The following GLRA2 variants were observed in gnomAD, a reference collection of about 807,000 sequenced individuals.
The protein encoded by GLRA2 is glycine receptor alpha 2.
In GLRA2, 11 loss-of-function variants were observed where a neutral mutation model predicts 31.6. That is an observed-to-expected ratio of 0.35 (90% CI 0.22 to 0.58). GLRA2 has a LOEUF of 0.58. Ranked by LOEUF, GLRA2 falls within the 20% of genes least tolerant of loss-of-function variation. The pLI, the probability that GLRA2 is intolerant of heterozygous loss-of-function variation, is 0.84. For synonymous variants in GLRA2, 132 were observed against 134.0 expected (o/e 0.99, Z 0.10); for missense variants, 212 against 351.8 (o/e 0.60, Z 3.18).
At chrX:14,636,758 GT>G (rs2090714085) in intron 7 of GLRA2, among the ~76,000 whole-genome samples, 1 of 111,778 alleles carries the variant, frequency 8.9e-6, no homozygotes, top group South Asian at 3.8e-4. Context: ...TAGGTGTGCG[GT>G]TTATGAAAAC....
intron 8 of GLRA2, among the ~76,000 whole-genome samples, chrX:14,715,825 G>C (rs745456476): frequency 6.5e-4 from 73 of 111,867 alleles, no homozygotes; most frequent in Non-Finnish European, 1.2e-3. Flanking sequence ...GGTCATTAAG[G>C]AGATGAGAAA....
chrX:14,667,167 C>G (rs994225359), intron 7 of GLRA2, among the ~76,000 whole-genome samples: 11 of 111,997 alleles, frequency 9.8e-5, no homozygotes, highest in Middle Eastern at 9.3e-3. Flanking sequence ...CCGTAATAAA[C>G]CCTTACAATT....
chrX:14,717,398 T>C (rs961919632), intron 8 of GLRA2, among the ~76,000 whole-genome samples: 1 of 110,348 alleles, frequency 9.1e-6, no homozygotes, highest in Non-Finnish European at 1.9e-5. Flanking sequence ...TTAATTCTTA[T>C]ATATACTCCT....
chrX:14,703,913 C>T (rs1422976785), intron 8 of GLRA2, among the ~76,000 whole-genome samples: 2 of 111,995 alleles, frequency 1.8e-5, no homozygotes, highest in Admixed American at 9.5e-5. Context: ...CACTCCCTCA[C>T]CACACTCCTG....
chrX:14,474,447 C>G, the GLRA2 span, among the ~76,000 whole-genome samples: 1 of 111,769 alleles, frequency 8.9e-6, no homozygotes, highest in Non-Finnish European at 1.9e-5. Flanking sequence ...TATCTTATCA[C>G]TAGCTACTCA....
At chrX:14,702,808 G>A (rs925816753) in intron 8 of GLRA2, among the ~76,000 whole-genome samples, 1 of 111,522 alleles carries the variant, frequency 9.0e-6, no homozygotes, top group Admixed American at 9.5e-5. Context: ...AAAGTTTATT[G>A]GGTGGCACTT....
chrX:14,569,584 A>G (rs2089856208), intron 2 of GLRA2, among the ~76,000 whole-genome samples: 1 of 75,092 alleles, frequency 1.3e-5, no homozygotes, highest in African/African-American at 6.2e-5. Flanking sequence ...ACCTCCTAAG[A>G]TGGCAATAAT....
intron 7 of GLRA2, among the ~76,000 whole-genome samples, chrX:14,666,750 A>G (rs768623562): frequency 8.9e-5 from 10 of 111,901 alleles, no homozygotes; most frequent in African/African-American, 3.2e-4. Context: ...CAGCAAACCT[A>G]TTAGGTGGGC....
chrX:14,604,580 G>A (rs1406438568), intron 5 of GLRA2, among the ~76,000 whole-genome samples, 183 bp downstream of exon 5: 1 of 106,901 alleles, frequency 9.4e-6, no homozygotes, highest in African/African-American at 3.5e-5. Context: ...GTGTGTGTGT[G>A]TGTGTGTGTG....
intron 4 of GLRA2, among the ~76,000 whole-genome samples, chrX:14,598,425 C>T (rs1338356615): frequency 8.9e-6 from 1 of 112,160 alleles, no homozygotes; most frequent in Non-Finnish European, 1.9e-5. Context: ...GTCAAGCAGC[C>T]TTCTGTCTGC....
chrX:14,460,222 C>T, the GLRA2 span, among the ~76,000 whole-genome samples: 3 of 111,498 alleles, frequency 2.7e-5, no homozygotes, highest in African/African-American at 6.5e-5. Context: ...GGGATGAAGC[C>T]GATTTGATTG....
chrX:14,521,516 T>C, the GLRA2 span, among the ~76,000 whole-genome samples: 1 of 111,845 alleles, frequency 8.9e-6, no homozygotes, highest in Non-Finnish European at 1.9e-5. Context: ...CACCATTTGC[T>C]TCCTTGGTTC....
intron 4 of GLRA2, among the ~76,000 whole-genome samples, chrX:14,596,434 T>C (rs1361628911): frequency 9.0e-6 from 1 of 110,634 alleles, no homozygotes; most frequent in African/African-American, 3.3e-5. Context: ...CCAGTATACC[T>C]CTCCAATGTG....
chrX:14,543,870 TCA>T (rs1461640810), intron 2 of GLRA2, among the ~76,000 whole-genome samples: 1 of 111,855 alleles, frequency 8.9e-6, no homozygotes, highest in Non-Finnish European at 1.9e-5. Flanking sequence ...ATTCACTTGA[TCA>T]CAGATTCCTT....
intron 4 of GLRA2, among the ~76,000 whole-genome samples, chrX:14,592,110 A>C (rs919314867): frequency 4.5e-5 from 5 of 111,401 alleles, no homozygotes; most frequent in Non-Finnish European, 9.4e-5. Context: ...TTCTAGCACT[A>C]TTATAAGTCT....
intron 7 of GLRA2, among the ~76,000 whole-genome samples, chrX:14,630,880 T>C (rs1172210632): frequency 9.3e-6 from 1 of 107,989 alleles, no homozygotes; most frequent in Non-Finnish European, 1.9e-5. Flanking sequence ...GCTTTTAAGA[T>C]AGTGCTTTGC....
At chrX:14,571,548 A>G (rs1357754049) in intron 2 of GLRA2, among the ~76,000 whole-genome samples, 4 of 111,781 alleles carry the variant, frequency 3.6e-5, no homozygotes, top group Non-Finnish European at 5.6e-5. Flanking sequence ...TGCCTCTTAT[A>G]AACTCTGCGA....
chrX:14,455,721 G>A, the GLRA2 span, among the ~76,000 whole-genome samples: 3 of 111,460 alleles, frequency 2.7e-5, no homozygotes, highest in African/African-American at 6.5e-5. Context: ...CACTACTTAC[G>A]AATCATTTTA....
intron 7 of GLRA2, among the ~76,000 whole-genome samples, chrX:14,631,306 T>C (rs1296756929): frequency 3.6e-5 from 4 of 111,396 alleles, no homozygotes; most frequent in Non-Finnish European, 7.5e-5. Context: ...TATCTAGCTT[T>C]TTGAACATAT....
Sources: gnomAD v4.1 joint callset for allele counts (sites outside exome capture counted in the v4.1 genomes callset) on GRCh38, gnomAD v4.1.1 for gene constraint, MANE v1.5 for transcripts, NCBI Gene and HGNC (gene_info 2026-07-23, HGNC 2026-07-21) for gene names.